The following EDIL3 variants were observed in gnomAD, a reference collection of about 807,000 sequenced individuals.
The protein encoded by EDIL3 is EGF-like repeat and discoidin I-like domain-containing protein 3.
In EDIL3, 37 loss-of-function variants were observed where a neutral mutation model predicts 67.4. The observed-to-expected ratio is 0.55, with a 90% confidence interval of 0.42 to 0.72. The LOEUF is 0.72. Ranked by LOEUF, EDIL3 falls within the 30% of genes least tolerant of loss-of-function variation. EDIL3 has a pLI of 0.00. For missense variants in EDIL3, 527 were observed against 586.3 expected, an observed-to-expected ratio of 0.90 and a Z score of 1.04; for synonymous variants, 195 against 196.3, an observed-to-expected ratio of 0.99 and a Z score of 0.05.
chr5:84,354,537 A>G (rs1747436478), intron 1 of EDIL3, among the ~76,000 whole-genome samples: 1 of 151,794 alleles, frequency 6.6e-6, no homozygotes, highest in Non-Finnish European at 1.5e-5. Flanking sequence ...CATGCCTGTA[A>G]TACCAGCTAC....
At chr5:84,219,757 T>C (rs966351207) in intron 3 of EDIL3, among the ~76,000 whole-genome samples, 8 of 152,212 alleles carry the variant, frequency 5.3e-5, no homozygotes, top group Non-Finnish European at 1.0e-4. Flanking sequence ...GTGGTACATA[T>C]GGACAATGGA....
At chr5:84,057,318 T>A (rs1746465211) in intron 9 of EDIL3, among the ~76,000 whole-genome samples, 1 of 152,168 alleles carries the variant, frequency 6.6e-6, no homozygotes, top group Non-Finnish European at 1.5e-5. Flanking sequence ...TTAATTTTTA[T>A]CTTTCCAAAG....
At chr5:83,963,116 T>G in intron 10 of EDIL3, 89 bp downstream of exon 10, 2 of 1,422,944 alleles carry the variant, frequency 1.4e-6, no homozygotes, top group South Asian at 1.5e-5. Context: ...CTATTTTCAG[T>G]ACAGATGTAT....
intron 5 of EDIL3, among the ~76,000 whole-genome samples, chr5:84,120,521 A>G (rs1349566600): frequency 6.6e-6 from 1 of 151,998 alleles, no homozygotes; most frequent in East Asian, 1.9e-4. Flanking sequence ...TTCAGATGAC[A>G]CAGATGCCGT....
chr5:84,051,441 G>A (rs984382336), intron 9 of EDIL3, among the ~76,000 whole-genome samples: 3 of 152,162 alleles, frequency 2.0e-5, no homozygotes, highest in Admixed American at 6.5e-5. Flanking sequence ...CACCAGCAAC[G>A]GAACAAAGCT....
intron 1 of EDIL3, among the ~76,000 whole-genome samples, chr5:84,335,500 T>C (rs965357411): frequency 2.0e-5 from 3 of 152,160 alleles, no homozygotes; most frequent in Non-Finnish European, 2.9e-5. Flanking sequence ...ACTGAATGTG[T>C]TGAGTAGCAC....
At chr5:83,959,933 T>C (rs1744578224) in intron 10 of EDIL3, among the ~76,000 whole-genome samples, 1 of 151,000 alleles carries the variant, frequency 6.6e-6, no homozygotes, top group Admixed American at 6.6e-5. Context: ...ACTTAGGCAA[T>C]ACATTTTCTC....
chr5:84,134,475 T>C (rs1219847130), intron 5 of EDIL3, among the ~76,000 whole-genome samples: 1 of 152,160 alleles, frequency 6.6e-6, no homozygotes, highest in Non-Finnish European at 1.5e-5. Context: ...ATCTATGTAT[T>C]GTCAACAACT....
chr5:84,073,144 C>G (rs369311032), intron 6 of EDIL3, among the ~76,000 whole-genome samples: 2 of 152,128 alleles, frequency 1.3e-5, no homozygotes, highest in Admixed American at 6.6e-5. Context: ...CAAAATTCAA[C>G]AACTCTTCAT....
At chr5:84,106,158 G>C (rs1747456675) in intron 6 of EDIL3, among the ~76,000 whole-genome samples, 1 of 152,054 alleles carries the variant, frequency 6.6e-6, no homozygotes, top group African/African-American at 2.4e-5. Flanking sequence ...TTAAAAAATA[G>C]CTGGTTGATG....
chr5:84,175,570 C>T (rs1748888154), intron 4 of EDIL3, among the ~76,000 whole-genome samples: 1 of 152,182 alleles, frequency 6.6e-6, no homozygotes, highest in East Asian at 1.9e-4. Context: ...TATTTCCACA[C>T]TCAACAGTGT....
chr5:84,360,453 G>A (rs1747573402), intron 1 of EDIL3, among the ~76,000 whole-genome samples: 1 of 152,130 alleles, frequency 6.6e-6, no homozygotes, highest in South Asian at 2.1e-4. Context: ...AGGCCAAGGT[G>A]TTTGAATCCT....
intron 4 of EDIL3, among the ~76,000 whole-genome samples, chr5:84,161,750 G>A (rs1299551104): frequency 6.6e-6 from 1 of 152,060 alleles, no homozygotes; most frequent in Non-Finnish European, 1.5e-5. Context: ...AATTGCAGTG[G>A]AGAAGTGGGA....
At chr5:84,131,521 A>G (rs1315662615) in intron 5 of EDIL3, among the ~76,000 whole-genome samples, 6 of 152,192 alleles carry the variant, frequency 3.9e-5, no homozygotes, top group Admixed American at 3.9e-4. Flanking sequence ...AGGCTCTGCA[A>G]CTGCAATGCC....
At chr5:83,977,939 T>C (rs1026963029) in intron 9 of EDIL3, among the ~76,000 whole-genome samples, 5 of 151,860 alleles carry the variant, frequency 3.3e-5, no homozygotes, top group African/African-American at 1.2e-4. Context: ...GGTGAAATTC[T>C]GGAAGAATCT....
At chr5:83,997,579 G>A (rs544979525) in intron 9 of EDIL3, among the ~76,000 whole-genome samples, 6 of 152,228 alleles carry the variant, frequency 3.9e-5, no homozygotes, top group African/African-American at 1.2e-4. Context: ...AATATCTGTA[G>A]AATGTCCAAA....
At chr5:84,253,503 C>A (rs1453812850) in intron 2 of EDIL3, among the ~76,000 whole-genome samples, 1 of 152,132 alleles carries the variant, frequency 6.6e-6, no homozygotes, top group Non-Finnish European at 1.5e-5. Flanking sequence ...CATAAGTATA[C>A]ATATTTCGCA....
chr5:84,279,027 T>C (rs1331033174), intron 1 of EDIL3, among the ~76,000 whole-genome samples: 5 of 152,206 alleles, frequency 3.3e-5, no homozygotes, highest in Admixed American at 1.3e-4. Context: ...TCAATTTCCT[T>C]TCCATTCTTA....
At chr5:84,089,803 C>T (rs1196041754) in intron 6 of EDIL3, among the ~76,000 whole-genome samples, 8 of 152,130 alleles carry the variant, frequency 5.3e-5, no homozygotes, top group Non-Finnish European at 7.3e-5. Context: ...CTCTGATGTC[C>T]GTTGAGCTTT....
Sources: allele counts gnomAD v4.1 joint callset (sites outside exome capture counted in the v4.1 genomes callset), GRCh38; gene constraint gnomAD v4.1.1; transcripts MANE v1.5; gene names NCBI Gene and HGNC (gene_info 2026-07-23, HGNC 2026-07-21).